ACYP2: variants seen among roughly 807,000 people sequenced by gnomAD.
ACYP2 encodes the protein acylphosphatase-2.
In ACYP2, 12 loss-of-function variants were observed where a neutral mutation model predicts 11.2. That is an observed-to-expected ratio of 1.08 (90% CI 0.69 to 1.74). The LOEUF (loss-of-function observed/expected upper bound fraction) is 1.74, where lower values mean the gene tolerates loss of function less well. Among genes scored for constraint, ACYP2 ranks in the 40% most tolerant of loss-of-function variants. The pLI is 0.00. For missense variants in ACYP2, 134 were observed against 101.9 expected (o/e 1.31, Z -1.35); for synonymous variants, 43 against 32.2 (o/e 1.33, Z -1.13).
intron 6 of ACYP2, among the ~76,000 whole-genome samples, chr2:54,178,617 G>A (rs1683575318): frequency 6.6e-6 from 1 of 152,162 alleles, no homozygotes; most frequent in Non-Finnish European, 1.5e-5. Context: ...GCCAGACTTT[G>A]TGTGGATATT....
chr2:54,295,584 T>C (rs1271775485), intron 6 of ACYP2, among the ~76,000 whole-genome samples: 1 of 152,160 alleles, frequency 6.6e-6, no homozygotes, highest in Non-Finnish European at 1.5e-5. Context: ...TGACAAAGGC[T>C]CATTCATTCA....
At chr2:54,043,647 AAAATC>A (rs1446377830) in intron 2 of ACYP2, among the ~76,000 whole-genome samples, 1 of 152,256 alleles carries the variant, frequency 6.6e-6, no homozygotes, top group Non-Finnish European at 1.5e-5. Flanking sequence ...AATTTCATTT[AAAATC>A]ATGAAGGCGA....
rs148123656 is a variant in ACYP2, at chr2:54,126,873, G to A, written c.278-8580G>A. 9.2e-4 allele frequency among the ~76,000 whole-genome samples: 139 copies of A among 151,766 alleles called. 1 individual carries two copies. Among genetic ancestry groups the A allele is most frequent in the African/African-American group, 3.3e-3 (136 of 41,352 alleles). On this transcript the variant is annotated intron_variant, in intron 4 of 6. Transcript: ENST00000607452. ...GGAGGGTGAGGCAGGAGAATAAGTT[G>A]GACCCGGGAGGTGGAGGTTGCAGTG...
chr2:54,093,231 C>G (rs1268139922), intron 4 of ACYP2, among the ~76,000 whole-genome samples: 1 of 152,132 alleles, frequency 6.6e-6, no homozygotes, highest in Non-Finnish European at 1.5e-5. Flanking sequence ...CAGATAATAT[C>G]TAAGGGTGAT....
intron 4 of ACYP2, chr2:54,082,725 G>A (rs1677732572): frequency 6.6e-6 from 1 of 152,144 alleles, no homozygotes; most frequent in South Asian, 2.1e-4. Context: ...CGGTATTTGA[G>A]TTATGGGCTG....
chr2:54,155,501 GC>G (rs1234904251), intron 6 of ACYP2, among the ~76,000 whole-genome samples: 4 of 152,208 alleles, frequency 2.6e-5, no homozygotes, highest in African/African-American at 9.6e-5. Flanking sequence ...TCCACTTCCT[GC>G]CAGATCAGTG....
chr2:54,128,504 C>A (rs1455413491), intron 4 of ACYP2, among the ~76,000 whole-genome samples: 2 of 151,988 alleles, frequency 1.3e-5, no homozygotes, highest in African/African-American at 4.8e-5. Flanking sequence ...TCCATCTCTA[C>A]AAAAATTTTA....
chr2:54,124,220 G>A lies in ACYP2; in HGVS notation c.278-11233G>A, dbSNP rs1375299638. On this transcript the variant is annotated intron_variant, in intron 4 of 6. Coordinates refer to ENST00000607452, the MANE Select transcript of ACYP2 (RefSeq NM_001320586.2). ...TCTTTTTTTTTTTTTTTGAGACAGA[G>A]TTTCATTCTTGTTGCCCAGGCTGGA... Among the ~76,000 whole-genome samples the A allele has an allele frequency of 4.7e-5, 7 of 149,880 alleles. 1 individual carries two copies. The highest frequency in any genetic ancestry group is 1.7e-4 in the African/African-American group (7 of 40,674).
At chr2:54,143,630 C>T (rs1261795712) in intron 6 of ACYP2, among the ~76,000 whole-genome samples, 2 of 151,034 alleles carry the variant, frequency 1.3e-5, no homozygotes, top group Non-Finnish European at 2.9e-5. Flanking sequence ...GACAGGGTTT[C>T]ACCATATTCG....
chr2:54,243,748 T>C (rs1686830964), intron 6 of ACYP2, among the ~76,000 whole-genome samples: 1 of 152,036 alleles, frequency 6.6e-6, no homozygotes, highest in South Asian at 2.1e-4. Context: ...TTTTGTATCT[T>C]TTTTTTAGTA....
intron 4 of ACYP2, among the ~76,000 whole-genome samples, chr2:54,132,123 C>G (rs1462586013): frequency 6.6e-6 from 1 of 152,144 alleles, no homozygotes; most frequent in Admixed American, 6.5e-5. Context: ...AGTCTACTTA[C>G]TTGGTCAGTG....
chr2:54,114,450 G>A (rs1050781220), intron 4 of ACYP2, among the ~76,000 whole-genome samples: 2 of 151,356 alleles, frequency 1.3e-5, no homozygotes, highest in South Asian at 4.2e-4. Flanking sequence ...TTGGGAGGCC[G>A]AGGCAGGTGG....
chr2:54,232,093 A>C (rs11892920), intron 6 of ACYP2, among the ~76,000 whole-genome samples: 1,856 of 152,314 alleles, frequency 0.012, 34 homozygotes, highest in African/African-American at 0.043. Context: ...TGTGGGATGC[A>C]AATAACAGAG....
chr2:54,040,665 GAGGAA>G (rs1344736698), intron 2 of ACYP2, among the ~76,000 whole-genome samples: 1 of 152,200 alleles, frequency 6.6e-6, no homozygotes. Context: ...AGTGGTTCAG[GAGGAA>G]AGAGTAATCA....
At chr2:54,270,145 T>G (rs1006350498) in intron 6 of ACYP2, among the ~76,000 whole-genome samples, 7 of 152,188 alleles carry the variant, frequency 4.6e-5, no homozygotes, top group Non-Finnish European at 7.3e-5. Context: ...TTCTTCCCTG[T>G]TTCCTAATTA....
rs189948193 is a variant in ACYP2 at position 54,227,182 on chromosome 2, A to G, written c.405-77506A>G. On this transcript the variant is annotated intron_variant, in intron 6 of 6. Transcript: ENST00000607452. ...CAGTCTTAAACCTGTGTATGTTCAG[A>G]AAATCTTTTGTCAAAGAGTGAGTAA... Among the ~76,000 whole-genome samples the G allele has an allele frequency of 2.0e-5, 3 of 152,346 alleles. No individual in the cohort carries two copies. In the East Asian group the frequency reaches 5.8e-4, roughly 29 times the overall value.
intron 4 of ACYP2, among the ~76,000 whole-genome samples, chr2:54,132,311 C>T (rs1458858123): frequency 6.6e-6 from 1 of 152,268 alleles, no homozygotes; most frequent in Admixed American, 6.5e-5. Context: ...TCTTCCCCTC[C>T]ATCTATATAA....
At position 54,035,009 on chromosome 2, in the gene ACYP2, C is replaced by CAAAAAAAAAAAAAAAAAAAAA. The variant is rs550142135; in HGVS notation, c.63-15946_63-15926dup. Among the ~76,000 whole-genome samples, 122 of 44,774 alleles carry CAAAAAAAAAAAAAAAAAAAAA rather than the reference C, an allele frequency of 2.7e-3. 16 individuals are homozygous for CAAAAAAAAAAAAAAAAAAAAA. Among genetic ancestry groups the CAAAAAAAAAAAAAAAAAAAAA allele is most frequent in the Non-Finnish European group, 4.4e-3 (84 of 18,950 alleles). The allele number at this position is 44,774 out of a possible 152,430, so 29.4% of individuals were successfully genotyped here. On this transcript the variant is annotated intron_variant, in intron 2 of 6. Coordinates refer to ENST00000607452, the MANE Select transcript of ACYP2 (RefSeq NM_001320586.2). ...CAGGCGACAGTGCGAGACTACATCT[C>CAAAAAAAAAAAAAAAAAAAAA]AAAAAAAAAAAAAAAAAAAAAAAGC...
intron 6 of ACYP2, among the ~76,000 whole-genome samples, chr2:54,196,714 A>T (rs374562768): frequency 2.0e-5 from 3 of 151,166 alleles, no homozygotes; most frequent in African/African-American, 7.3e-5. Flanking sequence ...GCAACTAGCA[A>T]CCCCCAGTCG....
Sources: allele counts gnomAD v4.1 joint callset (sites outside exome capture counted in the v4.1 genomes callset), GRCh38; gene constraint gnomAD v4.1.1; transcripts MANE v1.5; gene names NCBI Gene and HGNC (gene_info 2026-07-23, HGNC 2026-07-21).